Variants in GPR149 observed in about 807,000 individuals in gnomAD.
The protein encoded by GPR149 is G protein-coupled receptor 149.
Under a neutral mutation model 50.2 loss-of-function variants are expected in GPR149, and 50 were observed. The observed-to-expected ratio is 1.00, with a 90% CI of 0.79 to 1.26. GPR149 has a LOEUF of 1.26. GPR149 is among the 50% of genes most tolerant of loss of function. GPR149 has a pLI of 0.00. For synonymous variants in GPR149, 405 were observed against 358.2 expected, an observed-to-expected ratio of 1.13 and a Z score of -1.48; for missense variants, 983 against 895.4, an observed-to-expected ratio of 1.10 and a Z score of -1.25.
chr3:154,391,212 A>G (rs1715161690), intron 3 of GPR149, among the ~76,000 whole-genome samples: 2 of 152,056 alleles, frequency 1.3e-5, no homozygotes. Flanking sequence ...AATATAAAAA[A>G]GTCAAAAGTA....
intron 3 of GPR149, among the ~76,000 whole-genome samples, chr3:154,361,014 C>T (rs1480470533): frequency 6.6e-6 from 1 of 152,148 alleles, no homozygotes; most frequent in East Asian, 1.9e-4. Context: ...ATTCTTTCTT[C>T]CCACTACCTA....
chr3:154,415,771 TAA>T (rs1273084537), intron 3 of GPR149, among the ~76,000 whole-genome samples: 7 of 152,078 alleles, frequency 4.6e-5, no homozygotes, highest in South Asian at 2.1e-4. Flanking sequence ...ACAATAATTA[TAA>T]GTTAGTTTAA....
Position 154,429,151 on chromosome 3 carries a change from C to T in GPR149, c.465G>A (p.Leu155=), listed in dbSNP as rs1712408938. Residue 155 remains leucine (L), a synonymous_variant, in exon 1 of 4, where the codon CTG becomes CTA. Transcript: ENST00000389740. ...RRSGQVLGVV[L]TVWAASLLLS... ...GCAGCAGACTGGCTGCCCACACGGT[C>T]AGCACCACGCCGAGCACCTGGCCCG... 3.1e-6 allele frequency: 5 copies of T among 1,613,666 alleles called. No individual in the cohort carries two copies. The highest frequency in any genetic ancestry group is 3.4e-6 in the Non-Finnish European group (4 of 1,179,884).
At chr3:154,340,371 A>C (rs746255451) in intron 3 of GPR149, among the ~76,000 whole-genome samples, 6 of 152,258 alleles carry the variant, frequency 3.9e-5, no homozygotes, top group Non-Finnish European at 8.8e-5. Flanking sequence ...GAGGGACCAC[A>C]CAGGTTCATC....
intron 3 of GPR149, among the ~76,000 whole-genome samples, chr3:154,392,977 C>T (rs1559983401): frequency 6.6e-6 from 1 of 151,922 alleles, no homozygotes; most frequent in Non-Finnish European, 1.5e-5. Context: ...AACCAAATGG[C>T]TTCAATAGTG....
At chr3:154,413,832 T>C (rs1176321925) in intron 3 of GPR149, among the ~76,000 whole-genome samples, 7 of 151,812 alleles carry the variant, frequency 4.6e-5, no homozygotes. Flanking sequence ...GGAGTCATTA[T>C]ATGAAAAAGA....
intron 3 of GPR149, among the ~76,000 whole-genome samples, chr3:154,402,907 T>C (rs891880044): frequency 6.6e-6 from 1 of 152,152 alleles, no homozygotes; most frequent in Non-Finnish European, 1.5e-5. Flanking sequence ...CATTTGAAAA[T>C]TTTATGTTAG....
At chr3:154,367,747 C>T (rs1399413972) in intron 3 of GPR149, among the ~76,000 whole-genome samples, 4 of 152,136 alleles carry the variant, frequency 2.6e-5, no homozygotes, top group African/African-American at 7.2e-5. Flanking sequence ...TCACCATGGG[C>T]GGCCGCCCCA....
At position 154,337,615 on chromosome 3, in the gene GPR149, A is replaced by C. The variant is rs780357741; in HGVS notation, c.*84T>G. On this transcript the variant is annotated 3_prime_UTR_variant, in exon 4 of 4. Coordinates refer to ENST00000389740, the MANE Select transcript of GPR149 (RefSeq NM_001038705.3). The stretch of plus-strand genomic sequence containing the variant: ...AAAACTAATGTAAGCCAACAAATAA[A>C]AGGAAATCAGTCTCATAACAAAGGT... 5.9e-5 allele frequency: 65 copies of C among 1,094,986 alleles called. No individual in the cohort carries two copies. The highest frequency in any genetic ancestry group is 8.0e-5 in the Non-Finnish European group (62 of 770,836). 67.8% of individuals were successfully genotyped at this position (1,094,986 alleles called of 1,614,324 possible). A position where few individuals can be genotyped will look rare whatever the true frequency, so the allele number is the denominator to read the frequency against.
chr3:154,381,677 A>G (rs1488448514), intron 3 of GPR149, among the ~76,000 whole-genome samples: 2 of 152,284 alleles, frequency 1.3e-5, no homozygotes, highest in Middle Eastern at 3.4e-3. Context: ...CAAGGTAAAA[A>G]AGACTTTAGG....
chr3:154,350,024 T>C (rs1186127707), intron 3 of GPR149, among the ~76,000 whole-genome samples: 2 of 151,972 alleles, frequency 1.3e-5, no homozygotes, highest in East Asian at 3.9e-4. Context: ...CCTCCACCTC[T>C]ATCTGTACAA....
intron 3 of GPR149, among the ~76,000 whole-genome samples, chr3:154,361,918 C>T (rs1366694687): frequency 1.3e-5 from 2 of 152,110 alleles, no homozygotes; most frequent in African/African-American, 4.8e-5. Flanking sequence ...TAAAAAGATA[C>T]ATTTATAGTC....
chr3:154,361,234 C>T (rs1576905727), intron 3 of GPR149, among the ~76,000 whole-genome samples: 1 of 152,262 alleles, frequency 6.6e-6, no homozygotes, highest in East Asian at 1.9e-4. Flanking sequence ...TGAAGTTATA[C>T]ATAGAACATC....
At chr3:154,377,207 GAT>G (rs1388042692) in intron 3 of GPR149, among the ~76,000 whole-genome samples, 2 of 151,388 alleles carry the variant, frequency 1.3e-5, no homozygotes, top group Non-Finnish European at 2.9e-5. Context: ...GTGAATATTT[GAT>G]AGTGTGGCCT....
At chr3:154,405,006 A>G (rs1481694147) in intron 3 of GPR149, among the ~76,000 whole-genome samples, 1 of 152,194 alleles carries the variant, frequency 6.6e-6, no homozygotes, top group Non-Finnish European at 1.5e-5. Flanking sequence ...CACCTCCTCC[A>G]CTATTCAACA....
intron 3 of GPR149, among the ~76,000 whole-genome samples, chr3:154,365,518 A>T (rs775610484): frequency 5.3e-5 from 8 of 152,028 alleles, no homozygotes; most frequent in Admixed American, 1.3e-4. Flanking sequence ...CCAAGCTGAA[A>T]TTTTTTCAAA....
intron 3 of GPR149, among the ~76,000 whole-genome samples, chr3:154,399,341 C>T (rs537566096): frequency 6.6e-6 from 1 of 152,262 alleles, no homozygotes; most frequent in African/African-American, 2.4e-5. Context: ...CTGCAACTCT[C>T]ATATAAAAGT....
At chr3:154,425,633 T>G (rs73000795) in intron 2 of GPR149, among the ~76,000 whole-genome samples, 2,357 of 152,256 alleles carry the variant, frequency 0.015, 59 homozygotes, top group African/African-American at 0.054. Flanking sequence ...TGTGAAGCCA[T>G]GCTTCTTTTT....
At chr3:154,359,189 A>G (rs1230895385) in intron 3 of GPR149, among the ~76,000 whole-genome samples, 1 of 152,126 alleles carries the variant, frequency 6.6e-6, no homozygotes. Flanking sequence ...AAATAATTTG[A>G]TAAGTTTAAT....
Sources: allele counts gnomAD v4.1 joint callset (sites outside exome capture counted in the v4.1 genomes callset), GRCh38; gene constraint gnomAD v4.1.1; transcripts MANE v1.5; gene names NCBI Gene and HGNC (gene_info 2026-07-23, HGNC 2026-07-21).